The following AFF1 variants were observed in gnomAD, a reference collection of about 807,000 sequenced individuals.
AFF1 encodes the protein AF4/FMR2 family member 1.
In AFF1, 48 loss-of-function variants were observed where a neutral mutation model predicts 121.7. That is an observed-to-expected ratio of 0.39 (90% confidence interval 0.31 to 0.50). The LOEUF is 0.50. Among genes scored for constraint, AFF1 ranks in the 20% least tolerant of loss-of-function variants. AFF1 has a pLI of 0.76. For missense variants in AFF1, 1,523 were observed against 1,511.7 expected (o/e 1.01, Z -0.12); for synonymous variants, 613 against 563.0 (o/e 1.09, Z -1.26).
At chr4:87,128,173 C>CA (rs1722251480) in intron 16 of AFF1, among the ~76,000 whole-genome samples, 1 of 152,148 alleles carries the variant, frequency 6.6e-6, no homozygotes, top group Admixed American at 6.6e-5. Flanking sequence ...GTTTACATTC[C>CA]AAAATTATCT....
chr4:87,032,078 A>G (rs1729135252), intron 2 of AFF1, among the ~76,000 whole-genome samples: 1 of 152,236 alleles, frequency 6.6e-6, no homozygotes, highest in African/African-American at 2.4e-5. Context: ...AAGCTTTGTA[A>G]GGCTCACAAC....
chr4:86,957,264 C>T (rs1272856330), intron 2 of AFF1, among the ~76,000 whole-genome samples: 1 of 152,042 alleles, frequency 6.6e-6, no homozygotes, highest in East Asian at 1.9e-4. Context: ...ATTTTTCTTT[C>T]TGGAGGCCTT....
At chr4:87,019,885 G>GGGGC (rs1553918040) in intron 2 of AFF1, among the ~76,000 whole-genome samples, 2 of 31,518 alleles carry the variant, frequency 6.3e-5, no homozygotes, top group African/African-American at 1.3e-4. Flanking sequence ...TGAAGGGGTC[G>GGGGC]GGGGGGGGCA....
At chr4:86,981,826 T>C (rs1723781058) in intron 2 of AFF1, among the ~76,000 whole-genome samples, 1 of 152,238 alleles carries the variant, frequency 6.6e-6, no homozygotes, top group Non-Finnish European at 1.5e-5. Flanking sequence ...CATCACGATC[T>C]CTAACCAGTC....
At chr4:87,019,027 G>C (rs932977558) in intron 2 of AFF1, among the ~76,000 whole-genome samples, 3 of 152,152 alleles carry the variant, frequency 2.0e-5, no homozygotes, top group Non-Finnish European at 4.4e-5. Flanking sequence ...ACAACCTTTT[G>C]TATGTGTGAA....
intron 1 of AFF1, among the ~76,000 whole-genome samples, chr4:86,937,848 C>T (rs984658638): frequency 2.6e-5 from 4 of 152,184 alleles, no homozygotes; most frequent in Non-Finnish European, 4.4e-5. Flanking sequence ...TCAAGCAGTC[C>T]TCCCACTTTT....
chr4:87,138,430 C>G lies in AFF1; in HGVS notation c.*2729C>G. ...TAATAGTACACACTTCAGAGTAAGA[C>G]AAATGCAAAGCATCTTAAGGAGTGA... On this transcript the variant is annotated 3_prime_UTR_variant, in exon 21 of 21. Transcript: ENST00000395146. 1 of 232,496 alleles carries G rather than the reference C, an allele frequency of 4.3e-6. No homozygotes were observed. Among genetic ancestry groups the G allele is most frequent in the Non-Finnish European group, 8.5e-6 (1 of 117,692 alleles). The allele number at this position is 232,496 out of a possible 1,614,324, so 14.4% of individuals were successfully genotyped here.
intron 2 of AFF1, among the ~76,000 whole-genome samples, chr4:86,957,894 A>T (rs1721858936): frequency 6.6e-6 from 1 of 151,952 alleles, no homozygotes; most frequent in African/African-American, 2.4e-5. Context: ...ACAAACAAAC[A>T]ACTATCCTTT....
Position 87,046,676 on chromosome 4 carries a change from A to C in AFF1, c.160-19A>C, listed in dbSNP as rs941015091. 6.3e-7 allele frequency: 1 copy of C among 1,581,902 alleles called. No individual in the cohort carries two copies. Among genetic ancestry groups the C allele is most frequent in the African/African-American group, 1.4e-5 (1 of 73,188 alleles). On this transcript the variant is annotated intron_variant, in intron 3 of 20. Coordinates refer to ENST00000395146, the MANE Select transcript of AFF1 (RefSeq NM_001166693.3). ...TTTCCTTAGTTTTTTTTCATTCTCA[A>C]ATTCTCCTTTTTTTTCAGACAGCAA...
chr4:87,098,129 A>T (rs1193613075), intron 8 of AFF1, among the ~76,000 whole-genome samples: 1 of 152,216 alleles, frequency 6.6e-6, no homozygotes, highest in African/African-American at 2.4e-5. Flanking sequence ...TAGGACATAT[A>T]AGAGTATAAA....
intron 3 of AFF1, among the ~76,000 whole-genome samples, 157 bp from the exon 4 acceptor site, chr4:87,046,538 C>A (rs958024023): frequency 6.6e-6 from 1 of 152,194 alleles, no homozygotes; most frequent in African/African-American, 2.4e-5. Flanking sequence ...CCATGGTAGT[C>A]TTCTCAACAG....
At chr4:86,937,613 ACT>A (rs1720116265) in intron 1 of AFF1, among the ~76,000 whole-genome samples, 1 of 152,084 alleles carries the variant, frequency 6.6e-6, no homozygotes, top group South Asian at 2.1e-4. Context: ...ACAGGTTCTC[ACT>A]CTGTCACTTA....
intron 2 of AFF1, among the ~76,000 whole-genome samples, chr4:87,037,293 A>T (rs1227723841): frequency 3.3e-5 from 5 of 152,056 alleles, no homozygotes; most frequent in Non-Finnish European, 7.4e-5. Flanking sequence ...TCTGCACCCT[A>T]ATCCCATGCT....
intron 4 of AFF1, among the ~76,000 whole-genome samples, chr4:87,052,935 G>A (rs1473098838): frequency 6.6e-6 from 1 of 152,044 alleles, no homozygotes; most frequent in Non-Finnish European, 1.5e-5. Flanking sequence ...GATGATACTA[G>A]CTACCGAGAG....
Position 87,115,092 on chromosome 4 carries a change from C to T in AFF1, c.2259C>T (p.Thr753=). 1 of 1,614,160 alleles carries T rather than the reference C, an allele frequency of 6.2e-7. No individual in the cohort carries two copies. Among genetic ancestry groups the T allele is most frequent in the South Asian group, 1.1e-5 (1 of 91,078 alleles). The change falls in exon 12 of 21, where the codon ACC becomes ACT. Residue 753 remains threonine (T), a synonymous_variant. Coordinates refer to ENST00000395146, the MANE Select transcript of AFF1 (RefSeq NM_001166693.3). ...KDRLPLPLRD[T]KLLSPLRDTP... is the part of the protein sequence containing the mutation. ...GACTCCCATTGCCTTTGAGAGACAC[C>T]AAGCTGCTCTCACCGCTCAGGGACA...
At chr4:87,115,798 G>T (rs142524745) in intron 12 of AFF1, among the ~76,000 whole-genome samples, 3,018 of 151,388 alleles carry the variant, frequency 0.02, 113 homozygotes, top group African/African-American at 0.07. Flanking sequence ...TTTTGTAGAG[G>T]TGGGGTTTTG....
chr4:86,977,883 C>A (rs951892765), intron 2 of AFF1, among the ~76,000 whole-genome samples: 2 of 152,122 alleles, frequency 1.3e-5, no homozygotes, highest in African/African-American at 4.8e-5. Context: ...AGAGTGTTTT[C>A]TTTGTTTCAC....
intron 14 of AFF1, 30 bp from the exon 15 acceptor site, chr4:87,126,996 G>A (rs1190041478): frequency 1.9e-6 from 3 of 1,581,668 alleles, no homozygotes; most frequent in Admixed American, 3.4e-5. Context: ...ATGTTAGAGT[G>A]TAATCTGTAT....
chr4:86,951,194 T>C (rs1027268194), intron 2 of AFF1, among the ~76,000 whole-genome samples: 1 of 152,200 alleles, frequency 6.6e-6, no homozygotes, highest in African/African-American at 2.4e-5. Context: ...TTCGGCTCTT[T>C]TAAGCGGAAC....
Sources: gnomAD v4.1 joint callset for allele counts (sites outside exome capture counted in the v4.1 genomes callset) on GRCh38, gnomAD v4.1.1 for gene constraint, MANE v1.5 for transcripts, NCBI Gene and HGNC (gene_info 2026-07-23, HGNC 2026-07-21) for gene names.